The following MILR1 variants were observed in gnomAD, a reference collection of about 807,000 sequenced individuals.
MILR1 encodes the protein mast cell immunoglobulin like receptor 1.
MILR1 carries 31 observed loss-of-function variants against 18.5 expected under a neutral mutation model. That is an observed-to-expected ratio of 1.68 (90% CI 1.26 to 2.26). The LOEUF (loss-of-function observed/expected upper bound fraction) is 2.26. Ranked by LOEUF, MILR1 falls within the 30% of genes most tolerant of loss-of-function variation. MILR1 has a pLI of 0.00. For synonymous variants in MILR1, 85 were observed against 56.2 expected (o/e 1.51, Z -2.30); for missense variants, 257 against 157.4 (o/e 1.63, Z -3.38).
the MILR1 span, chr17:64,491,469 A>G: frequency 2.6e-5 from 29 of 1,103,058 alleles, no homozygotes; most frequent in Non-Finnish European, 3.5e-5. Flanking sequence ...GTGATTGTGC[A>G]ACGGCAGTCC....
intron 3 of MILR1, among the ~76,000 whole-genome samples, chr17:64,454,085 A>G (rs2037236923): frequency 6.6e-6 from 1 of 151,696 alleles, no homozygotes; most frequent in African/African-American, 2.4e-5. Context: ...ATGCACCACC[A>G]TGCCCAGCTA....
intron 3 of MILR1, among the ~76,000 whole-genome samples, chr17:64,454,140 G>A (rs2037238379): frequency 6.6e-6 from 1 of 151,894 alleles, no homozygotes; most frequent in African/African-American, 2.4e-5. Flanking sequence ...ATGTTGACCA[G>A]GCTGGTCTTA....
At chr17:64,483,797 C>T in the MILR1 span, among the ~76,000 whole-genome samples, 9 of 151,886 alleles carry the variant, frequency 5.9e-5, no homozygotes, top group African/African-American at 1.9e-4. Context: ...CTGCAACCCC[C>T]ACCTCTGGGC....
intron 6 of MILR1, among the ~76,000 whole-genome samples, chr17:64,465,793 G>T (rs562647005): frequency 9.3e-5 from 14 of 149,966 alleles, no homozygotes; most frequent in South Asian, 4.2e-4. Flanking sequence ...CCATGATTTT[G>T]TTTTTTTTTC....
chr17:64,457,598 G>T lies in MILR1; in HGVS notation c.566G>T (p.Gly189Val). Residue 189 changes from glycine to valine, a missense_variant, in exon 4 of 10, where the codon GGA (glycine) becomes GTA (valine). Transcript: ENST00000619286. ...AEFNLTKKNP[G>V]EEEEYRCEAK... is the part of the protein sequence containing the mutation. The stretch of plus-strand genomic sequence containing the variant: ...TTTAACTTAACCAAGAAGAATCCTG[G>T]AGAAGAGGAAGAGTATAGGTGTGAA... 4.2e-6 allele frequency: 2 copies of T among 475,364 alleles called. No homozygotes were observed. Among genetic ancestry groups the T allele is most frequent in the Admixed American group, 3.1e-5 (1 of 31,750 alleles). 29.4% of individuals were successfully genotyped at this position (475,364 alleles called of 1,614,324 possible).
chr17:64,469,963 G>A (rs1188947858), downstream of MILR1, among the ~76,000 whole-genome samples: 1 of 152,178 alleles, frequency 6.6e-6, no homozygotes, highest in Non-Finnish European at 1.5e-5. Context: ...ATAGAATGGT[G>A]GTTCCTGGGG....
chr17:64,454,805 G>A (rs1017777913), intron 3 of MILR1, among the ~76,000 whole-genome samples: 129 of 152,146 alleles, frequency 8.5e-4, no homozygotes, highest in Non-Finnish European at 2.6e-4. Flanking sequence ...ACCAGCCTGG[G>A]AACTATGTGG....
intron 3 of MILR1, among the ~76,000 whole-genome samples, chr17:64,454,063 A>G (rs1335223223): frequency 1.4e-5 from 2 of 147,936 alleles, no homozygotes; most frequent in South Asian, 2.1e-4. Context: ...CCGAGTAGCT[A>G]GGATTACAGG....
chr17:64,461,800 C>G (rs1406117448), intron 5 of MILR1, among the ~76,000 whole-genome samples: 1 of 152,156 alleles, frequency 6.6e-6, no homozygotes, highest in Non-Finnish European at 1.5e-5. Context: ...CTGCCAACCA[C>G]CATTCTGCTT....
At chr17:64,490,799 T>C in the MILR1 span, 1 of 1,611,354 alleles carries the variant, frequency 6.2e-7, no homozygotes, top group Non-Finnish European at 8.5e-7. Context: ...AACATACATG[T>C]AATTTAGACA....
chr17:64,465,551 C>A lies in MILR1; in HGVS notation c.853+10C>A, dbSNP rs1555662987. The stretch of plus-strand genomic sequence containing the variant: ...CTTGAAAAACAAGCAAGTAAGAGAA[C>A]TTTGTTGCGTGTTTTGGGTGGTTTC... On this transcript the variant is annotated intron_variant, in intron 6 of 9. Coordinates refer to ENST00000619286, the MANE Select transcript of MILR1 (RefSeq NM_001085423.2). 3.8e-6 allele frequency: 6 copies of A among 1,598,586 alleles called. No homozygotes were observed. The Admixed American group carries it at 1.0e-4, about 28-fold the overall frequency.
chr17:64,493,524 G>A, the MILR1 span, among the ~76,000 whole-genome samples: 10 of 151,684 alleles, frequency 6.6e-5, no homozygotes, highest in South Asian at 2.1e-4. Context: ...TCGCTCTGTC[G>A]CCCAGGCTGG....
chr17:64,460,368 G>T (rs1339983583), intron 4 of MILR1, among the ~76,000 whole-genome samples: 3 of 151,950 alleles, frequency 2.0e-5, no homozygotes, highest in African/African-American at 7.3e-5. Flanking sequence ...GACAGGGTCT[G>T]GTTCTGTCCC....
chr17:64,485,966 G>T, the MILR1 span: 3 of 1,160,724 alleles, frequency 2.6e-6, no homozygotes, highest in African/African-American at 3.0e-5. Flanking sequence ...GGCCAGGCTG[G>T]AGTGCAGTGG....
intron 3 of MILR1, among the ~76,000 whole-genome samples, 158 bp downstream of exon 3, chr17:64,453,024 G>C (rs2037209577): frequency 5.3e-5 from 8 of 151,164 alleles, no homozygotes; most frequent in African/African-American, 1.9e-4. Context: ...TTTTAGACCT[G>C]GTCAACAGGA....
the MILR1 span, among the ~76,000 whole-genome samples, chr17:64,477,235 C>T: frequency 2.6e-5 from 4 of 152,110 alleles, no homozygotes; most frequent in African/African-American, 7.2e-5. Context: ...GGATAAATTG[C>T]GTTTGATCTA....
chr17:64,458,132 CTT>C lies in MILR1; in HGVS notation c.652+449_652+450del. Among the ~76,000 whole-genome samples, 3 of 150,120 alleles carry C rather than the reference CTT, an allele frequency of 2.0e-5. No individual in the cohort carries two copies. The South Asian group carries it at 6.3e-4, about 31-fold the overall frequency. On this transcript the variant is annotated intron_variant, in intron 4 of 9. Transcript: ENST00000619286. ...TTTCTTTTCCTTCCTTCCTTCCTTC[CTT>C]CTTGTATGCCTGCCTTTCTTTCCCT...
At chr17:64,496,346 G>A in the MILR1 span, 2 of 1,113,464 alleles carry the variant, frequency 1.8e-6, no homozygotes, top group Admixed American at 2.1e-5. Flanking sequence ...CCAAGATCCA[G>A]CAAGACTGCC....
the MILR1 span, chr17:64,491,699 G>T: frequency 2.9e-6 from 3 of 1,038,016 alleles, no homozygotes; most frequent in Non-Finnish European, 3.0e-6. Context: ...GCATCTCGGG[G>T]TTTACCATGG....
Sources: gnomAD v4.1 joint callset for allele counts (sites outside exome capture counted in the v4.1 genomes callset) on GRCh38, gnomAD v4.1.1 for gene constraint, MANE v1.5 for transcripts, NCBI Gene and HGNC (gene_info 2026-07-23, HGNC 2026-07-21) for gene names.